The following NDUFS1 variants were observed in gnomAD, a reference collection of about 807,000 sequenced individuals.
NDUFS1 encodes NADH:ubiquinone oxidoreductase core subunit S1.
NDUFS1 carries 61 observed loss-of-function variants against 84.4 expected under a neutral mutation model. That is an observed-to-expected ratio of 0.72 (90% CI 0.59 to 0.89). The LOEUF is 0.89. Ranked by LOEUF, NDUFS1 falls within the 40% of genes least tolerant of loss-of-function variation. The probability of loss-of-function intolerance (pLI) is 0.00; values close to 1 mark genes in which losing one functional copy is unlikely to be tolerated. For synonymous variants in NDUFS1, 275 were observed against 290.0 expected, an observed-to-expected ratio of 0.95 and a Z score of 0.53; for missense variants, 891 against 890.0, an observed-to-expected ratio of 1.00 and a Z score of -0.01.
rs1477125379 is a variant in NDUFS1 at position 206,127,847 on chromosome 2, G to A, written c.1834C>T (p.Pro612Ser). Reference sequence around the variant, plus strand: ...CAGTCTTCTCTTGCCAAGCCAGGAGGTGTCACTGCTACCTTAGTCTGCTGA... The same window carrying A: ...CAGTCTTCTCTTGCCAAGCCAGGAGATGTCACTGCTACCTTAGTCTGCTGA... ...RAQQTKVAVT[P>S]PGLAREDWKI... Residue 612 changes from proline to serine, a missense_variant, in exon 16 of 19, where the codon CCT (proline) becomes TCT (serine). Transcript: ENST00000233190. The A allele has an allele frequency of 1.2e-6, 2 of 1,613,964 alleles. No homozygotes were observed. Among genetic ancestry groups the A allele is most frequent in the Non-Finnish European group, 1.7e-6 (2 of 1,180,020 alleles).
chr2:206,133,123 C>A lies in NDUFS1; in HGVS notation c.1393-18G>T, dbSNP rs760233698. On this transcript the variant is annotated intron_variant, in intron 13 of 18. Coordinates refer to ENST00000233190, the MANE Select transcript of NDUFS1 (RefSeq NM_005006.7). ...TTTAGGACCTATTTAAAAAAAAAAA[C>A]AACTTTGATTTTAAAATATTACAAG... The A allele has an allele frequency of 2.3e-5, 35 of 1,533,940 alleles. No homozygotes were observed. Among genetic ancestry groups the A allele is most frequent in the African/African-American group, 4.1e-5 (3 of 72,382 alleles).
intron 16 of NDUFS1, 46 bp downstream of exon 16, chr2:206,127,751 A>T: frequency 6.3e-7 from 1 of 1,590,448 alleles, no homozygotes; most frequent in Non-Finnish European, 8.6e-7. Flanking sequence ...TAAAATATCA[A>T]ATATGCCTTT....
chr2:206,159,166 G>A (rs1396405214), intron 1 of NDUFS1, 175 bp downstream of exon 1: 1 of 1,535,356 alleles, frequency 6.5e-7, no homozygotes, highest in Non-Finnish European at 8.7e-7. Flanking sequence ...CAGAGACCGT[G>A]GCTAAAAGCC....
Position 206,152,422 on chromosome 2 carries a change from G to A in NDUFS1, c.150C>T (p.Leu50=), listed in dbSNP as rs1559065124. Residue 50 remains leucine (L), a synonymous_variant, in exon 3 of 19, where the codon CTC becomes CTT. Coordinates refer to ENST00000233190, the MANE Select transcript of NDUFS1 (RefSeq NM_005006.7). ...AATAGTTAGAATGTATGCCTACTTGGAGGACGGTCGTTCCCGGTTCCACCA... is the reference window on the plus strand; with the variant it reads ...AATAGTTAGAATGTATGCCTACTTGAAGGACGGTCGTTCCCGGTTCCACCA... The part of the protein sequence containing the change: ...SVMVEPGTTV[L]QACEKVGMQI... 17 of 1,613,524 alleles carry A rather than the reference G, an allele frequency of 1.1e-5. No homozygotes were observed. The highest frequency in any genetic ancestry group is 1.4e-5 in the Non-Finnish European group (17 of 1,179,490).
chr2:206,157,199 C>G (rs1347178645), intron 1 of NDUFS1, among the ~76,000 whole-genome samples: 1 of 152,222 alleles, frequency 6.6e-6, no homozygotes, highest in Non-Finnish European at 1.5e-5. Flanking sequence ...GATCCACCCG[C>G]GTCGACCTCC....
rs1202631836 is a variant in NDUFS1, at chr2:206,127,893, A to G, written c.1788T>C (p.Tyr596=). ...GCTGAGCTCTACCCTCAGTGTTGAC[A>G]TATGTAGCAGACTTCTCTGTGTAAG... ...GAAYTEKSAT[Y]VNTEGRAQQT... Residue 596 remains tyrosine (Y), a synonymous_variant, in exon 16 of 19, where the codon TAT becomes TAC. Coordinates refer to ENST00000233190, the MANE Select transcript of NDUFS1 (RefSeq NM_005006.7). 4 of 1,614,178 alleles carry G rather than the reference A, an allele frequency of 2.5e-6. No homozygotes were observed. Among genetic ancestry groups the G allele is most frequent in the Middle Eastern group, 1.6e-4 (1 of 6,062 alleles).
intron 12 of NDUFS1, 69 bp from the exon 13 acceptor site, chr2:206,138,683 A>G: frequency 6.8e-7 from 1 of 1,462,674 alleles, no homozygotes; most frequent in South Asian, 1.1e-5. Flanking sequence ...ATCAATCCTA[A>G]GTGATACATC....
intron 7 of NDUFS1, 50 bp from the exon 8 acceptor site, chr2:206,147,138 TC>T: frequency 6.4e-7 from 1 of 1,553,002 alleles, no homozygotes; most frequent in Non-Finnish European, 8.9e-7. Context: ...CAAAATTATT[TC>T]CTTTCTTATT....
Position 206,146,978 on chromosome 2 carries a change from T to C in NDUFS1, c.662A>G (p.Asn221Ser), listed in dbSNP as rs770557045. The change falls in exon 8 of 19, where the codon AAT (asparagine) becomes AGT (serine). Residue 221 changes from asparagine to serine, a missense_variant. Transcript: ENST00000233190. Reference sequence around the variant, plus strand: ...ACCTACAGGGCAGATATCAATGATATTCCCAGACAGTTCAGACATGAACAT... The same window carrying C: ...ACCTACAGGGCAGATATCAATGATACTCCCAGACAGTTCAGACATGAACAT... ...EKMFMSELSGNIIDICPVGAL... is the reference protein window; with the variant it reads ...EKMFMSELSGSIIDICPVGAL... The C allele has an allele frequency of 6.2e-7, 1 of 1,614,114 alleles. No individual in the cohort carries two copies. The highest frequency in any genetic ancestry group is 2.2e-5 in the East Asian group (1 of 44,872).
intron 12 of NDUFS1, among the ~76,000 whole-genome samples, chr2:206,140,920 G>GTATATATATATA (rs1691913101): frequency 7.2e-6 from 1 of 139,704 alleles, no homozygotes; most frequent in Non-Finnish European, 1.5e-5. Flanking sequence ...TATATGTAGT[G>GTATATATATATA]TGTATATATA....
intron 3 of NDUFS1, among the ~76,000 whole-genome samples, chr2:206,151,018 G>T (rs1692352521): frequency 6.6e-6 from 1 of 151,928 alleles, no homozygotes; most frequent in Non-Finnish European, 1.5e-5. Flanking sequence ...ATTCTCCCTT[G>T]AATCTACTCT....
Position 206,145,151 on chromosome 2 carries a change from T to G in NDUFS1, c.738-125A>C, listed in dbSNP as rs1321713732. ...TCTGAATTACTTTAAAAAATGAAGC[T>G]TAGAGGAACTGCAATTAAATAAAAG... On this transcript the variant is annotated intron_variant, in intron 8 of 18. Coordinates refer to ENST00000233190, the MANE Select transcript of NDUFS1 (RefSeq NM_005006.7). The G allele has an allele frequency of 4.3e-6, 4 of 926,076 alleles. No individual in the cohort carries two copies. In the East Asian group the frequency reaches 7.7e-5, roughly 18 times the overall value. The allele number at this position is 926,076 out of a possible 1,614,324, so 57.4% of individuals were successfully genotyped here. A position where few individuals can be genotyped will look rare whatever the true frequency, so the allele number is the denominator to read the frequency against.
In NDUFS1 at chr2:206,122,321, T is replaced by C. The variant is rs1378311186; in HGVS notation, c.*1864A>G. On this transcript the variant is annotated 3_prime_UTR_variant, in exon 19 of 19. Transcript: ENST00000233190. ...ACTATTATTCTAAAACCTTATCCTTTGTTGTATCAGAAAAACGACATCCTA... is the reference window on the plus strand; with the variant it reads ...ACTATTATTCTAAAACCTTATCCTTCGTTGTATCAGAAAAACGACATCCTA... The C allele has an allele frequency of 6.6e-6, 1 of 151,868 alleles. No homozygotes were observed. Among genetic ancestry groups the C allele is most frequent in the Non-Finnish European group, 1.5e-5 (1 of 67,974 alleles). The allele number at this position is 151,868 out of a possible 1,614,324, so 9.4% of individuals were successfully genotyped here.
intron 13 of NDUFS1, among the ~76,000 whole-genome samples, chr2:206,136,924 T>C (rs938810878): frequency 4.0e-5 from 6 of 151,186 alleles, no homozygotes; most frequent in African/African-American, 1.5e-4. Context: ...CAGCTAATTA[T>C]GTATTTTTAA....
intron 12 of NDUFS1, among the ~76,000 whole-genome samples, chr2:206,140,914 T>C (rs924565742): frequency 2.7e-5 from 3 of 109,514 alleles, no homozygotes. Context: ...CACATATATA[T>C]GTAGTGTGTA....
chr2:206,159,166 G>C, intron 1 of NDUFS1, 175 bp downstream of exon 1: 1 of 1,535,474 alleles, frequency 6.5e-7, no homozygotes, highest in South Asian at 1.2e-5. Context: ...CAGAGACCGT[G>C]GCTAAAAGCC....
At position 206,130,127 on chromosome 2, in the gene NDUFS1, G is replaced by T; in HGVS notation, c.1669C>A (p.Arg557=). The T allele has an allele frequency of 3.7e-6, 6 of 1,614,094 alleles. No homozygotes were observed. Among genetic ancestry groups the T allele is most frequent in the Non-Finnish European group, 5.1e-6 (6 of 1,180,016 alleles). The part of the protein sequence containing the change: ...LLGADGGCIT[R]QDLPKDCFII... ...AAACAATCCTTTGGCAAATCCTGTCGTGTGATACAACCTCCATCTGCTCCC... is the reference window on the plus strand; with the variant it reads ...AAACAATCCTTTGGCAAATCCTGTCTTGTGATACAACCTCCATCTGCTCCC... Residue 557 remains arginine (R), a synonymous_variant, in exon 15 of 19, where the codon CGA becomes AGA. Transcript: ENST00000233190.
rs553465741 is a variant in NDUFS1, at chr2:206,115,245, A to G, written c.*8940T>C. The G allele has an allele frequency of 8.9e-4, 135 of 152,402 alleles. No individual in the cohort carries two copies. The highest frequency in any genetic ancestry group is 1.6e-3 in the Non-Finnish European group (111 of 68,076). The allele number at this position is 152,402 out of a possible 1,614,324, so 9.4% of individuals were successfully genotyped here. On this transcript the variant is annotated 3_prime_UTR_variant, in exon 19 of 19. Coordinates refer to ENST00000233190, the MANE Select transcript of NDUFS1 (RefSeq NM_005006.7). ...ATGAATTTATTTTGCATGTGAGGAC[A>G]TGAATCTGGGGAGCCCAAGGTGTGG... is the stretch of plus-strand genomic sequence containing the variant.
rs4147725 is a variant in NDUFS1, at chr2:206,130,286, A to G, written c.1554-44T>C. ...ATTTTACCATAACTGCAGTATTTTC[A>G]ATGTAAAAAATTAAATGTGATTTTT... On this transcript the variant is annotated intron_variant, in intron 14 of 18. Coordinates refer to ENST00000233190, the MANE Select transcript of NDUFS1 (RefSeq NM_005006.7). The G allele has an allele frequency of 0.31, 488,719 of 1,601,954 alleles. 76,368 individuals carry two copies. Among genetic ancestry groups the G allele is most frequent in the African/African-American group, 0.45 (33,469 of 74,682 alleles).
Sources: gnomAD v4.1 joint callset for allele counts (sites outside exome capture counted in the v4.1 genomes callset) on GRCh38, gnomAD v4.1.1 for gene constraint, MANE v1.5 for transcripts, NCBI Gene and HGNC (gene_info 2026-07-23, HGNC 2026-07-21) for gene names.